Variants in LRBA observed in about 807,000 individuals in gnomAD.
LRBA encodes LPS responsive beige-like anchor protein.
In LRBA, 176 loss-of-function variants were observed where a neutral mutation model predicts 330.0. That is an observed-to-expected ratio of 0.53 (90% CI 0.47 to 0.60). The LOEUF (loss-of-function observed/expected upper bound fraction) is 0.60, where lower values mean the gene tolerates loss of function less well. LRBA is among the 20% of genes least tolerant of loss of function. The pLI, the probability that LRBA is intolerant of heterozygous loss-of-function variation, is 0.00. For missense variants in LRBA, 3,259 were observed against 3,444.8 expected (o/e 0.95, Z 1.35); for synonymous variants, 1,230 against 1,193.0 (o/e 1.03, Z -0.64).
At chr4:150,272,523 A>C (rs1746243485) in intron 56 of LRBA, among the ~76,000 whole-genome samples, 1 of 152,096 alleles carries the variant, frequency 6.6e-6, no homozygotes, top group Admixed American at 6.5e-5. Flanking sequence ...CTCCGAGCTA[A>C]AGGATCACGT....
At chr4:150,823,747 CA>C (rs1004175039) in intron 30 of LRBA, among the ~76,000 whole-genome samples, 13 of 152,142 alleles carry the variant, frequency 8.5e-5, no homozygotes, top group African/African-American at 3.1e-4. Flanking sequence ...GCACCTTTGT[CA>C]AAAATGAGTT....
At chr4:150,313,421 T>G (rs1021986829) in intron 51 of LRBA, among the ~76,000 whole-genome samples, 2 of 152,174 alleles carry the variant, frequency 1.3e-5, no homozygotes, top group Non-Finnish European at 2.9e-5. Context: ...TGCAACTATT[T>G]GAACTTGTGA....
At chr4:150,295,899 T>C (rs1728920683) in intron 53 of LRBA, among the ~76,000 whole-genome samples, 1 of 152,192 alleles carries the variant, frequency 6.6e-6, no homozygotes, top group Non-Finnish European at 1.5e-5. Context: ...TCATTTGTTG[T>C]TTTCCCATGG....
chr4:150,657,273 ATAATT>A (rs1252356320), intron 37 of LRBA, among the ~76,000 whole-genome samples: 1 of 152,208 alleles, frequency 6.6e-6, no homozygotes, highest in Non-Finnish European at 1.5e-5. Context: ...AAAACAAAAT[ATAATT>A]TTTCTTTATA....
chr4:150,594,242 G>C (rs1158566617), intron 38 of LRBA, among the ~76,000 whole-genome samples: 1 of 151,612 alleles, frequency 6.6e-6, no homozygotes, highest in Non-Finnish European at 1.5e-5. Flanking sequence ...ATTACCAACA[G>C]TACTCTAATA....
At chr4:150,639,954 T>C (rs1475443570) in intron 37 of LRBA, among the ~76,000 whole-genome samples, 1 of 145,748 alleles carries the variant, frequency 6.9e-6, no homozygotes, top group African/African-American at 2.6e-5. Context: ...CCTCCCGGGT[T>C]CAAGCGATTC....
chr4:150,865,321 A>G (rs547799205), intron 22 of LRBA, among the ~76,000 whole-genome samples: 1 of 152,326 alleles, frequency 6.6e-6, no homozygotes, highest in East Asian at 1.9e-4. Flanking sequence ...CAAATAGTAA[A>G]TATTTTAGAT....
intron 48 of LRBA, among the ~76,000 whole-genome samples, chr4:150,333,216 C>T (rs1013459711): frequency 2.0e-4 from 31 of 151,934 alleles, no homozygotes; most frequent in African/African-American, 7.0e-4. Context: ...ACTTAGTAAC[C>T]AACAATAAAT....
At chr4:150,420,173 C>G (rs1353968462) in intron 46 of LRBA, among the ~76,000 whole-genome samples, 1 of 149,796 alleles carries the variant, frequency 6.7e-6, no homozygotes, top group African/African-American at 2.4e-5. Flanking sequence ...GCCCAGGAGG[C>G]TGCAGTGAGC....
chr4:150,745,485 G>C (rs1431236903), intron 35 of LRBA, among the ~76,000 whole-genome samples: 1 of 152,030 alleles, frequency 6.6e-6, no homozygotes, highest in African/African-American at 2.4e-5. Context: ...TATGAACAAA[G>C]TTATAAAGAG....
At chr4:150,429,751 ATTAAT>A (rs961708963) in intron 46 of LRBA, among the ~76,000 whole-genome samples, 3 of 152,034 alleles carry the variant, frequency 2.0e-5, no homozygotes, top group African/African-American at 7.2e-5. Flanking sequence ...CCCAGTCAGA[ATTAAT>A]TTAATTTTGT....
At chr4:150,923,686 G>C (rs1364107930) in intron 4 of LRBA, among the ~76,000 whole-genome samples, 1 of 152,056 alleles carries the variant, frequency 6.6e-6, no homozygotes, top group Non-Finnish European at 1.5e-5. Flanking sequence ...GCAGTTACAA[G>C]GAAAAACAAA....
intron 2 of LRBA, among the ~76,000 whole-genome samples, chr4:150,976,344 T>A (rs1367724095): frequency 6.6e-6 from 1 of 152,036 alleles, no homozygotes; most frequent in Non-Finnish European, 1.5e-5. Flanking sequence ...CCCAAACAAA[T>A]ACATTTCACT....
intron 47 of LRBA, among the ~76,000 whole-genome samples, chr4:150,402,174 T>C (rs1369545251): frequency 2.0e-5 from 3 of 150,930 alleles, no homozygotes; most frequent in Non-Finnish European, 3.0e-5. Flanking sequence ...TCTTTGCAAG[T>C]TTTTATAAGT....
intron 5 of LRBA, among the ~76,000 whole-genome samples, chr4:150,917,885 T>A (rs915589741): frequency 6.6e-6 from 1 of 151,710 alleles, no homozygotes; most frequent in African/African-American, 2.4e-5. Context: ...GCCGAGATCA[T>A]GCCATTGCAC....
chr4:150,947,805 G>GT (rs1345503876), intron 2 of LRBA, among the ~76,000 whole-genome samples: 1 of 152,044 alleles, frequency 6.6e-6, no homozygotes, highest in African/African-American at 2.4e-5. Flanking sequence ...GTTCAGCAAG[G>GT]TAACGGGTTA....
intron 40 of LRBA, among the ~76,000 whole-genome samples, chr4:150,563,453 T>C (rs1358168684): frequency 1.3e-5 from 2 of 152,172 alleles, no homozygotes; most frequent in Non-Finnish European, 2.9e-5. Context: ...TCATACTGAA[T>C]GGACAAAAGC....
At chr4:150,527,232 T>C (rs975941649) in intron 40 of LRBA, among the ~76,000 whole-genome samples, 2 of 152,180 alleles carry the variant, frequency 1.3e-5, no homozygotes, top group Non-Finnish European at 2.9e-5. Context: ...TTTTCAACCA[T>C]ACTTTTCTTT....
intron 37 of LRBA, among the ~76,000 whole-genome samples, chr4:150,675,327 T>C (rs964145091): frequency 3.9e-5 from 6 of 152,208 alleles, no homozygotes; most frequent in African/African-American, 1.4e-4. Flanking sequence ...TAACAAACTT[T>C]TAAAGCTCTA....
Sources: allele counts gnomAD v4.1 joint callset (sites outside exome capture counted in the v4.1 genomes callset), GRCh38; gene constraint gnomAD v4.1.1; transcripts MANE v1.5; gene names NCBI Gene and HGNC (gene_info 2026-07-23, HGNC 2026-07-21).